Variants in FAF1 observed in about 807,000 individuals in gnomAD.
FAF1 encodes Fas associated factor 1.
In FAF1, 25 loss-of-function variants were observed where a neutral mutation model predicts 92.5. The observed-to-expected ratio is 0.27, with a 90% confidence interval of 0.20 to 0.38. The LOEUF is 0.38. Among genes scored for constraint, FAF1 ranks in the 10% least tolerant of loss-of-function variants. The pLI, the probability that FAF1 is intolerant of heterozygous loss-of-function variation, is 1.00. For synonymous variants in FAF1, 234 were observed against 273.2 expected (o/e 0.86, Z 1.42); for missense variants, 636 against 793.3 (o/e 0.80, Z 2.38).
intron 1 of FAF1, among the ~76,000 whole-genome samples, chr1:50,941,513 G>T (rs1216982187): frequency 1.3e-5 from 2 of 152,148 alleles, no homozygotes; most frequent in Non-Finnish European, 2.9e-5. Context: ...CACCGTGCCA[G>T]TCCTCAGCTA....
At chr1:50,590,937 G>A (rs1389519669) in intron 9 of FAF1, among the ~76,000 whole-genome samples, 2 of 150,980 alleles carry the variant, frequency 1.3e-5, no homozygotes, top group Non-Finnish European at 2.9e-5. Flanking sequence ...AGCCAAGATC[G>A]TGCCACTGTA....
intron 7 of FAF1, among the ~76,000 whole-genome samples, chr1:50,671,112 G>C (rs1037729337): frequency 5.3e-5 from 8 of 151,896 alleles, no homozygotes; most frequent in Admixed American, 1.3e-4. Context: ...AGTTAAAAAT[G>C]TAAGTTTGAA....
chr1:50,696,941 G>A (rs1055056491), intron 7 of FAF1, among the ~76,000 whole-genome samples: 1 of 152,154 alleles, frequency 6.6e-6, no homozygotes, highest in African/African-American at 2.4e-5. Flanking sequence ...CATGTAGGAT[G>A]AAAGATTATT....
Position 50,729,715 on chromosome 1 carries a change from A to C in FAF1, c.551+9148T>G, listed in dbSNP as rs1433408151. On this transcript the variant is annotated intron_variant, in intron 6 of 18. Coordinates refer to ENST00000396153, the MANE Select transcript of FAF1 (RefSeq NM_007051.3). ...AGCCACTGCACCAAAGCTATCTCAC[A>C]GAACTGTTTATGTAAGATTGGGATA... Among the ~76,000 whole-genome samples the C allele has an allele frequency of 2.0e-5, 3 of 150,362 alleles. No individual in the cohort carries two copies. The East Asian group carries it at 6.2e-4, about 31-fold the overall frequency.
At chr1:50,726,455 G>C (rs1433327404) in intron 6 of FAF1, among the ~76,000 whole-genome samples, 1 of 152,128 alleles carries the variant, frequency 6.6e-6, no homozygotes, top group Non-Finnish European at 1.5e-5. Flanking sequence ...CCAGCACTTT[G>C]GGTGGCCGAG....
intron 7 of FAF1, among the ~76,000 whole-genome samples, chr1:50,671,526 A>G (rs1368100436): frequency 1.3e-5 from 2 of 152,192 alleles, no homozygotes; most frequent in Non-Finnish European, 2.9e-5. Context: ...ATTGAATTAG[A>G]TGTTACTGTA....
chr1:50,519,326 C>A (rs1009261567), intron 15 of FAF1, among the ~76,000 whole-genome samples: 1 of 131,290 alleles, frequency 7.6e-6, no homozygotes, highest in Non-Finnish European at 1.6e-5. Flanking sequence ...GAGACTGTCT[C>A]GAAAGAAAGA....
chr1:50,762,943 G>A (rs891082982), intron 4 of FAF1, among the ~76,000 whole-genome samples: 1 of 152,124 alleles, frequency 6.6e-6, no homozygotes, highest in Non-Finnish European at 1.5e-5. Flanking sequence ...CTACTCATCT[G>A]ATAAATCTCT....
At chr1:50,801,546 TA>T in intron 3 of FAF1, 84 bp downstream of exon 3, 1 of 751,818 alleles carries the variant, frequency 1.3e-6, no homozygotes, top group African/African-American at 1.7e-5. Flanking sequence ...AATGCTCTAT[TA>T]AAAAATAAAA....
intron 1 of FAF1, among the ~76,000 whole-genome samples, chr1:50,946,258 C>G (rs1427412342): frequency 6.6e-6 from 1 of 152,194 alleles, no homozygotes; most frequent in Non-Finnish European, 1.5e-5. Flanking sequence ...ACAAATCTCC[C>G]TAAGTTGTTA....
intron 1 of FAF1, among the ~76,000 whole-genome samples, chr1:50,933,719 T>G (rs1425049915): frequency 6.6e-6 from 1 of 152,208 alleles, no homozygotes; most frequent in Admixed American, 6.5e-5. Context: ...TTTGTTTTCA[T>G]GCTGCTGATA....
chr1:50,826,776 G>A (rs1644102306), intron 2 of FAF1, among the ~76,000 whole-genome samples: 1 of 152,138 alleles, frequency 6.6e-6, no homozygotes, highest in Non-Finnish European at 1.5e-5. Flanking sequence ...AATACAACCT[G>A]TGAAGACATA....
intron 2 of FAF1, among the ~76,000 whole-genome samples, chr1:50,832,553 T>C (rs1222890985): frequency 5.3e-5 from 8 of 152,210 alleles, no homozygotes; most frequent in African/African-American, 9.6e-5. Flanking sequence ...ATTTAAAGTG[T>C]GCAATTTCAA....
In FAF1 at chr1:50,847,435, A is replaced by C. The variant is rs34703087; in HGVS notation, c.114+10494T>G. 1.4e-4 allele frequency among the ~76,000 whole-genome samples: 21 copies of C among 151,546 alleles called. No individual in the cohort carries two copies. The East Asian group carries it at 3.9e-3, about 28-fold the overall frequency. ...GCCTGAAATTAAAAAAAAAAAAAAA[A>C]CAGTAACAGAGATGAAGAATGTCCA... On this transcript the variant is annotated intron_variant, in intron 2 of 18. Coordinates refer to ENST00000396153, the MANE Select transcript of FAF1 (RefSeq NM_007051.3).
chr1:50,790,400 A>G (rs1004171185), intron 3 of FAF1, among the ~76,000 whole-genome samples: 1 of 152,136 alleles, frequency 6.6e-6, no homozygotes, highest in Non-Finnish European at 1.5e-5. Context: ...TCGGCCTCCC[A>G]AAGTGCAGGG....
At chr1:50,686,278 C>T (rs1295742102) in intron 7 of FAF1, among the ~76,000 whole-genome samples, 1 of 152,094 alleles carries the variant, frequency 6.6e-6, no homozygotes, top group Non-Finnish European at 1.5e-5. Flanking sequence ...CCCGGTGGCT[C>T]ATACCTGTAA....
At chr1:50,615,309 C>T (rs1310438210) in intron 8 of FAF1, among the ~76,000 whole-genome samples, 2 of 152,140 alleles carry the variant, frequency 1.3e-5, no homozygotes, top group Non-Finnish European at 2.9e-5. Context: ...AGGTTGATTC[C>T]ATGTCTTTGC....
chr1:50,813,003 T>C (rs1003006428), intron 2 of FAF1, among the ~76,000 whole-genome samples: 2 of 152,094 alleles, frequency 1.3e-5, no homozygotes, highest in African/African-American at 2.4e-5. Flanking sequence ...CACTTATAAG[T>C]AGGAGGTAAA....
intron 1 of FAF1, among the ~76,000 whole-genome samples, chr1:50,866,675 A>G (rs979251821): frequency 6.6e-5 from 10 of 152,068 alleles, no homozygotes; most frequent in African/African-American, 2.4e-4. Context: ...CTACAAAACA[A>G]TGCTGAAAGA....
Sources: gnomAD v4.1 joint callset for allele counts (sites outside exome capture counted in the v4.1 genomes callset) on GRCh38, gnomAD v4.1.1 for gene constraint, MANE v1.5 for transcripts, NCBI Gene and HGNC (gene_info 2026-07-23, HGNC 2026-07-21) for gene names.